Variants in GALNT13 observed in about 807,000 individuals in gnomAD.
The protein encoded by GALNT13 is UDP-GalNAc:polypeptide N-acetylgalactosaminyltransferase 13.
GALNT13 carries 28 observed loss-of-function variants against 64.2 expected under a neutral mutation model. That is an observed-to-expected ratio of 0.44 (90% CI 0.32 to 0.60). The LOEUF is 0.60. Ranked by LOEUF, GALNT13 falls within the 20% of genes least tolerant of loss-of-function variation. The pLI, the probability that GALNT13 is intolerant of heterozygous loss-of-function variation, is 0.05. For missense variants in GALNT13, 577 were observed against 669.8 expected (o/e 0.86, Z 1.53); for synonymous variants, 214 against 224.6 (o/e 0.95, Z 0.42).
intron 9 of GALNT13, among the ~76,000 whole-genome samples, chr2:154,361,109 T>C (rs1448990273): frequency 6.6e-6 from 1 of 152,076 alleles, no homozygotes; most frequent in Non-Finnish European, 1.5e-5. Flanking sequence ...ATATTTTTCA[T>C]ATTAAACACC....
chr2:153,221,621 C>A, the GALNT13 span, among the ~76,000 whole-genome samples: 1 of 152,180 alleles, frequency 6.6e-6, no homozygotes, highest in Non-Finnish European at 1.5e-5. Context: ...CTCAGCCAGG[C>A]AGGCTGCCCT....
At chr2:153,860,780 C>G in the GALNT13 span, among the ~76,000 whole-genome samples, 2 of 152,098 alleles carry the variant, frequency 1.3e-5, no homozygotes. Flanking sequence ...GACAAAAGTC[C>G]CTGGGGCTTA....
At chr2:153,945,704 G>C (rs760677996) in intron 3 of GALNT13, among the ~76,000 whole-genome samples, 7 of 152,100 alleles carry the variant, frequency 4.6e-5, no homozygotes, top group Non-Finnish European at 8.8e-5. Context: ...AAACAGAAGA[G>C]CATTTCCAAA....
the GALNT13 span, among the ~76,000 whole-genome samples, chr2:153,562,734 T>A: frequency 2.0e-5 from 3 of 152,316 alleles, no homozygotes; most frequent in East Asian, 5.8e-4. Context: ...CCTGAGTTCA[T>A]ACTTTTTAAG....
At chr2:154,372,490 A>G (rs1393020389) in intron 9 of GALNT13, among the ~76,000 whole-genome samples, 1 of 151,966 alleles carries the variant, frequency 6.6e-6, no homozygotes, top group Non-Finnish European at 1.5e-5. Context: ...TGCCAATGTC[A>G]TTTGTAATAA....
At chr2:153,109,098 C>T in the GALNT13 span, among the ~76,000 whole-genome samples, 1 of 152,136 alleles carries the variant, frequency 6.6e-6, no homozygotes, top group Non-Finnish European at 1.5e-5. Flanking sequence ...TGCTGTAGAA[C>T]TACTTCTTAA....
intron 8 of GALNT13, among the ~76,000 whole-genome samples, chr2:154,284,427 A>G (rs2105946226): frequency 6.6e-6 from 1 of 152,208 alleles, no homozygotes; most frequent in South Asian, 2.1e-4. Context: ...ATATTATCAC[A>G]AATAACATAA....
chr2:153,803,173 C>G, the GALNT13 span, among the ~76,000 whole-genome samples: 32 of 152,170 alleles, frequency 2.1e-4, no homozygotes, highest in Non-Finnish European at 3.1e-4. Flanking sequence ...TCAAGCTCGT[C>G]TTACCCCATG....
chr2:153,241,157 C>CT, the GALNT13 span, among the ~76,000 whole-genome samples: 14 of 149,092 alleles, frequency 9.4e-5, no homozygotes, highest in South Asian at 3.0e-3. Context: ...GCAGGCCTAA[C>CT]TCAGAAAACC....
At chr2:153,606,248 C>A in the GALNT13 span, among the ~76,000 whole-genome samples, 1 of 152,032 alleles carries the variant, frequency 6.6e-6, no homozygotes, top group Non-Finnish European at 1.5e-5. Context: ...TATATACACA[C>A]ACATACACAT....
At chr2:154,379,797 TC>T (rs376866480) in intron 9 of GALNT13, among the ~76,000 whole-genome samples, 79 of 152,114 alleles carry the variant, frequency 5.2e-4, no homozygotes, top group African/African-American at 1.9e-3. Flanking sequence ...AAATACTGAA[TC>T]CTGGGCAGGA....
the GALNT13 span, among the ~76,000 whole-genome samples, chr2:153,094,263 A>C: frequency 6.6e-6 from 1 of 152,076 alleles, no homozygotes; most frequent in Non-Finnish European, 1.5e-5. Flanking sequence ...ACTTATAGCT[A>C]TAACTTCCCT....
chr2:153,168,105 T>A, the GALNT13 span, among the ~76,000 whole-genome samples: 1 of 152,210 alleles, frequency 6.6e-6, no homozygotes, highest in East Asian at 1.9e-4. Flanking sequence ...GCACTGCTGA[T>A]GGTACTTAAA....
At position 154,015,659 on chromosome 2, in the gene GALNT13, T is replaced by C. The variant is rs553397914; in HGVS notation, c.142+71020T>C. Among the ~76,000 whole-genome samples, 17 of 152,320 alleles carry C rather than the reference T, an allele frequency of 1.1e-4. No homozygotes were observed. The South Asian group carries it at 1.9e-3, about 17-fold the overall frequency. On this transcript the variant is annotated intron_variant, in intron 3 of 12. Coordinates refer to ENST00000392825, the MANE Select transcript of GALNT13 (RefSeq NM_052917.4). ...TTGCCTTCTCCTACTTTAATTATACTATGTTTGGAAGAAATGAATGAAAAC... is the reference window on the plus strand; with the variant it reads ...TTGCCTTCTCCTACTTTAATTATACCATGTTTGGAAGAAATGAATGAAAAC...
At chr2:153,626,905 G>A in the GALNT13 span, among the ~76,000 whole-genome samples, 25 of 152,110 alleles carry the variant, frequency 1.6e-4, no homozygotes, top group South Asian at 2.1e-4. Flanking sequence ...AATCCCAGAC[G>A]TGTGGAATTT....
intron 9 of GALNT13, among the ~76,000 whole-genome samples, chr2:154,340,000 C>T (rs192897683): frequency 4.6e-4 from 70 of 152,172 alleles, no homozygotes; most frequent in African/African-American, 1.5e-3. Context: ...GGTCATATTA[C>T]ACAAACTGAT....
At chr2:153,864,007 A>G in the GALNT13 span, among the ~76,000 whole-genome samples, 2 of 152,218 alleles carry the variant, frequency 1.3e-5, no homozygotes, top group Non-Finnish European at 2.9e-5. Flanking sequence ...ACATTGCCAT[A>G]ACTGAATGCC....
chr2:153,839,170 T>A, the GALNT13 span, among the ~76,000 whole-genome samples: 1 of 151,920 alleles, frequency 6.6e-6, no homozygotes, highest in African/African-American at 2.4e-5. Context: ...GTGCATGTAA[T>A]GTTTAGAGTT....
At chr2:153,320,129 C>T in the GALNT13 span, among the ~76,000 whole-genome samples, 7 of 152,158 alleles carry the variant, frequency 4.6e-5, no homozygotes, top group Non-Finnish European at 8.8e-5. Flanking sequence ...TAAAGCTCCA[C>T]AGGTGATTTC....
Sources: allele counts gnomAD v4.1 joint callset (sites outside exome capture counted in the v4.1 genomes callset), GRCh38; gene constraint gnomAD v4.1.1; transcripts MANE v1.5; gene names NCBI Gene and HGNC (gene_info 2026-07-23, HGNC 2026-07-21).